TJP1: variants seen among roughly 807,000 people sequenced by gnomAD.
TJP1 encodes the protein tight junction protein ZO-1.
TJP1 carries 43 observed loss-of-function variants against 194.2 expected under a neutral mutation model. The ratio of observed to expected loss-of-function variants is 0.22; its 90% CI spans 0.17 to 0.29. The LOEUF (loss-of-function observed/expected upper bound fraction) is 0.29. TJP1 is among the 10% of genes least tolerant of loss of function. The pLI is 1.00. For synonymous variants in TJP1, 801 were observed against 779.0 expected (o/e 1.03, Z -0.47); for missense variants, 1,971 against 2,185.7 (o/e 0.90, Z 1.96).
In TJP1 at chr15:29,839,160, G is replaced by A. The variant is rs202146259; in HGVS notation, c.307-38458C>T. ...ACTACAGGAGCCCACCACCATGCCC[G>A]GCTAATCTTTTGTATTTTTACTAGA... On this transcript the variant is annotated intron_variant, in intron 2 of 28. Transcript: ENST00000356107. Among the ~76,000 whole-genome samples, 451 of 151,508 alleles carry A rather than the reference G, an allele frequency of 3.0e-3. 4 individuals carry two copies. Among genetic ancestry groups the A allele is most frequent in the Non-Finnish European group, 5.5e-3 (371 of 67,892 alleles).
intron 12 of TJP1, among the ~76,000 whole-genome samples, 191 bp from the exon 13 acceptor site, chr15:29,733,504 AGAT>A (rs1163769817): frequency 6.6e-6 from 1 of 152,244 alleles, no homozygotes; most frequent in African/African-American, 2.4e-5. Flanking sequence ...TCCATTTTGC[AGAT>A]GAGGAAACTG....
intron 2 of TJP1, among the ~76,000 whole-genome samples, chr15:29,894,706 C>T (rs984257264): frequency 2.6e-5 from 4 of 152,182 alleles, no homozygotes; most frequent in Non-Finnish European, 5.9e-5. Context: ...TGGTGGTCCA[C>T]CCTCACAGCA....
intron 11 of TJP1, among the ~76,000 whole-genome samples, chr15:29,734,943 T>C (rs1185602206): frequency 6.6e-6 from 1 of 152,094 alleles, no homozygotes; most frequent in African/African-American, 2.4e-5. Flanking sequence ...CTGTGTAAAA[T>C]TTAACCAGTT....
intron 2 of TJP1, among the ~76,000 whole-genome samples, chr15:29,776,352 T>C (rs986788208): frequency 6.6e-6 from 1 of 152,214 alleles, no homozygotes; most frequent in African/African-American, 2.4e-5. Flanking sequence ...AAACAAAGTT[T>C]GTGAAAAGGC....
intron 8 of TJP1, among the ~76,000 whole-genome samples, chr15:29,747,364 T>C (rs2044866005): frequency 6.6e-6 from 1 of 152,212 alleles, no homozygotes; most frequent in South Asian, 2.1e-4. Context: ...ATATCACAAT[T>C]AGCTAAGTAT....
intron 8 of TJP1, 71 bp from the exon 9 acceptor site, chr15:29,742,852 TAAG>T (rs1459565236): frequency 3.0e-6 from 4 of 1,344,802 alleles, no homozygotes; most frequent in Middle Eastern, 1.9e-4. Flanking sequence ...GAGAACAGTA[TAAG>T]AAGAGGCAAT....
rs1224836918 is a variant in TJP1 at position 29,897,031 on chromosome 15, AG to A, written c.306+59200del. On this transcript the variant is annotated intron_variant, in intron 2 of 28. Coordinates refer to the TJP1 transcript ENST00000356107. ...TCAAGCCAGCTGCAGAAATTTGCTT[AG>A]GAATGAGGAGCCAAATGTTAATTCC... 2.0e-5 allele frequency among the ~76,000 whole-genome samples: 3 copies of A among 152,240 alleles called. No individual in the cohort carries two copies. In the East Asian group the frequency reaches 5.8e-4, roughly 29 times the overall value.
chr15:29,968,031 G>A, intron 1 of TJP1: 1 of 976,634 alleles, frequency 1.0e-6, no homozygotes, highest in Non-Finnish European at 1.2e-6. Flanking sequence ...ATACAATCCT[G>A]TAGATAATCA....
intron 1 of TJP1, chr15:29,967,980 G>A: frequency 5.8e-6 from 5 of 868,790 alleles, no homozygotes; most frequent in Non-Finnish European, 5.5e-6. Flanking sequence ...TGGCTCCTGG[G>A]ATTCCGCATG....
At chr15:29,845,157 T>A (rs2051362668) in intron 2 of TJP1, among the ~76,000 whole-genome samples, 1 of 152,184 alleles carries the variant, frequency 6.6e-6, no homozygotes, top group Non-Finnish European at 1.5e-5. Flanking sequence ...TTTAATAAGG[T>A]CTTAAGTTTA....
intron 19 of TJP1, 128 bp downstream of exon 19, chr15:29,720,230 C>A: frequency 8.9e-7 from 1 of 1,126,036 alleles, no homozygotes; most frequent in South Asian, 1.6e-5. Flanking sequence ...TTGGTACTCT[C>A]AAATTGAAAT....
At chr15:29,786,399 T>G (rs1299631944) in intron 2 of TJP1, among the ~76,000 whole-genome samples, 2 of 152,208 alleles carry the variant, frequency 1.3e-5, no homozygotes, top group East Asian at 3.8e-4. Context: ...TATTGCCAAA[T>G]TACCTACCCT....
intron 2 of TJP1, among the ~76,000 whole-genome samples, chr15:29,941,174 A>T (rs1407451415): frequency 6.6e-6 from 1 of 152,148 alleles, no homozygotes; most frequent in African/African-American, 2.4e-5. Context: ...AGGCAGGCCC[A>T]CGCTGCCTTT....
rs956789485 is a variant in TJP1 at position 29,967,598 on chromosome 15, C to T, written c.173+1069G>A. ...ACAACTGAATTCTGAACTTTGCTGT[C>T]CATATTTGTCTTACCTTCAAAATTC... On this transcript the variant is annotated intron_variant, in intron 1 of 28. Transcript: ENST00000356107. 4.4e-4 allele frequency among the ~76,000 whole-genome samples: 67 copies of T among 152,286 alleles called. 1 individual carries two copies. Among genetic ancestry groups the T allele is most frequent in the Admixed American group, 1.3e-3 (20 of 15,304 alleles).
intron 1 of TJP1, among the ~76,000 whole-genome samples, chr15:29,821,717 C>T (rs2050365234): frequency 6.6e-6 from 1 of 151,954 alleles, no homozygotes; most frequent in Non-Finnish European, 1.5e-5. Context: ...CTCAGCGAGC[C>T]GCAGCCAGGC....
chr15:29,855,904 G>A (rs1163086627), intron 2 of TJP1, among the ~76,000 whole-genome samples: 1 of 151,820 alleles, frequency 6.6e-6, no homozygotes, highest in Non-Finnish European at 1.5e-5. Flanking sequence ...GCATAGTGAT[G>A]ACACGGTCTG....
chr15:29,939,159 A>G (rs1420760370), intron 2 of TJP1, among the ~76,000 whole-genome samples: 1 of 152,228 alleles, frequency 6.6e-6, no homozygotes, highest in Non-Finnish European at 1.5e-5. Flanking sequence ...CCACGGATGC[A>G]GCAAACACGG....
At chr15:29,815,541 A>G (rs1434928382) in intron 1 of TJP1, among the ~76,000 whole-genome samples, 1 of 152,250 alleles carries the variant, frequency 6.6e-6, no homozygotes, top group Non-Finnish European at 1.5e-5. Context: ...GCTCAGTCAT[A>G]CACAATGCTG....
chr15:29,780,067 C>T (rs564753066), intron 2 of TJP1, among the ~76,000 whole-genome samples: 1 of 151,922 alleles, frequency 6.6e-6, no homozygotes, highest in Admixed American at 6.5e-5. Flanking sequence ...TCTATACCAG[C>T]AGTCCTCAAC....
Sources: allele counts gnomAD v4.1 joint callset (sites outside exome capture counted in the v4.1 genomes callset), GRCh38; gene constraint gnomAD v4.1.1; transcripts MANE v1.5; gene names NCBI Gene and HGNC (gene_info 2026-07-23, HGNC 2026-07-21).